SLC25A13: variants seen among roughly 807,000 people sequenced by gnomAD.
The protein encoded by SLC25A13 is electrogenic aspartate/glutamate antiporter SLC25A13, mitochondrial.
A neutral mutation model predicts 85.5 loss-of-function variants in SLC25A13; 70 were observed. The ratio of observed to expected loss-of-function variants is 0.82; its 90% CI spans 0.68 to 1.00. The LOEUF is 1.00. SLC25A13 is among the 50% of genes least tolerant of loss of function. The pLI is 0.00. For missense variants in SLC25A13, 765 were observed against 819.8 expected (o/e 0.93, Z 0.82); for synonymous variants, 259 against 288.7 (o/e 0.90, Z 1.04).
chr7:96,289,144 C>G (rs1056158583), intron 2 of SLC25A13, among the ~76,000 whole-genome samples: 1 of 152,212 alleles, frequency 6.6e-6, no homozygotes, highest in Non-Finnish European at 1.5e-5. Flanking sequence ...CCCAGGCAAA[C>G]AGGGTCTGGT....
At chr7:96,141,882 C>T (rs1351269045) in intron 14 of SLC25A13, among the ~76,000 whole-genome samples, 1 of 152,246 alleles carries the variant, frequency 6.6e-6, no homozygotes, top group Admixed American at 6.5e-5. Flanking sequence ...AACTTCAATG[C>T]TAGGAATTTA....
rs192981616 is a variant in SLC25A13 at position 96,281,664 on chromosome 7, T to C, written c.70-4326A>G. ...GGCCTACTCACTTTCTGAGTATTCA[T>C]GGCTGTACATTTGTGATGTATGCAT... is the stretch of plus-strand genomic sequence containing the variant. On this transcript the variant is annotated intron_variant, in intron 2 of 17. Coordinates refer to ENST00000265631, the MANE Select transcript of SLC25A13 (RefSeq NM_014251.3). Among the ~76,000 whole-genome samples the C allele has an allele frequency of 7.2e-4, 110 of 152,342 alleles. 1 individual carries two copies. Among genetic ancestry groups the C allele is most frequent in the African/African-American group, 2.5e-3 (105 of 41,582 alleles).
rs1423805662 is a variant in SLC25A13 at position 96,121,658 on chromosome 7, C to G, written c.1838G>C (p.Gly613Ala). ...LQRWFYIDFG[G>A]VKPMGSEPVP... is the part of the protein sequence containing the mutation. ...GCAGATTTAGCATGATACTTACACT[C>G]CTCCAAAATCAATGTAGAACCATCG... Residue 613 changes from glycine (G) to alanine (A), a missense_variant, in exon 17 of 18, where the codon GGA (glycine) becomes GCA (alanine). Coordinates refer to ENST00000265631, the MANE Select transcript of SLC25A13 (RefSeq NM_014251.3). 1.2e-5 allele frequency: 20 copies of G among 1,613,970 alleles called. No homozygotes were observed. The Admixed American group carries it at 2.3e-4, about 19-fold the overall frequency.
At chr7:96,171,320 A>T in intron 12 of SLC25A13, 152 bp downstream of exon 12, 1 of 725,118 alleles carries the variant, frequency 1.4e-6, no homozygotes, top group East Asian at 2.7e-5. Flanking sequence ...TAAATGGAGA[A>T]TAATGAAAAA....
At chr7:96,126,950 T>A (rs192825520) in intron 15 of SLC25A13, among the ~76,000 whole-genome samples, 1 of 119,128 alleles carries the variant, frequency 8.4e-6, no homozygotes, top group East Asian at 3.4e-4. Context: ...AGTTTTCTCA[T>A]AATACACAAT....
intron 15 of SLC25A13, among the ~76,000 whole-genome samples, chr7:96,129,268 T>C (rs1791900575): frequency 6.6e-6 from 1 of 152,108 alleles, no homozygotes; most frequent in South Asian, 2.1e-4. Flanking sequence ...GCTGATTAAG[T>C]TTTGAGGGAA....
intron 15 of SLC25A13, among the ~76,000 whole-genome samples, chr7:96,128,162 A>G (rs1425674427): frequency 6.6e-6 from 1 of 152,220 alleles, no homozygotes; most frequent in African/African-American, 2.4e-5. Context: ...TTTATTTTAT[A>G]ACAAAATGCA....
chr7:96,310,011 T>C (rs1348539464), intron 1 of SLC25A13, among the ~76,000 whole-genome samples: 2 of 152,176 alleles, frequency 1.3e-5, no homozygotes, highest in African/African-American at 4.8e-5. Flanking sequence ...GACACCCATC[T>C]ACAAGCCAAG....
chr7:96,130,987 T>C (rs529375380), intron 15 of SLC25A13, among the ~76,000 whole-genome samples: 1 of 152,208 alleles, frequency 6.6e-6, no homozygotes, highest in Non-Finnish European at 1.5e-5. Flanking sequence ...ATGGAGACTC[T>C]AGTTACATAT....
chr7:96,278,827 T>C (rs1238195200), intron 2 of SLC25A13, among the ~76,000 whole-genome samples: 1 of 152,206 alleles, frequency 6.6e-6, no homozygotes, highest in Non-Finnish European at 1.5e-5. Context: ...AAGAATTATA[T>C]TTTGATTTTC....
At chr7:96,172,511 T>C (rs920518731) in intron 11 of SLC25A13, among the ~76,000 whole-genome samples, 13 of 151,644 alleles carry the variant, frequency 8.6e-5, no homozygotes, top group African/African-American at 7.3e-5. Flanking sequence ...TGAGCCGAGA[T>C]TGCACCACTG....
chr7:96,242,377 G>T (rs371922281), intron 3 of SLC25A13, among the ~76,000 whole-genome samples: 1 of 151,900 alleles, frequency 6.6e-6, no homozygotes, highest in African/African-American at 2.4e-5. Context: ...TCTCTTTCCC[G>T]CCCATATTCC....
intron 3 of SLC25A13, among the ~76,000 whole-genome samples, chr7:96,238,152 T>C (rs1399912524): frequency 2.0e-5 from 3 of 152,156 alleles, no homozygotes; most frequent in Admixed American, 6.5e-5. Context: ...GACTGGAGTC[T>C]TTTTTATAAA....
intron 14 of SLC25A13, among the ~76,000 whole-genome samples, chr7:96,141,152 A>T (rs1348983078): frequency 6.6e-6 from 1 of 151,264 alleles, no homozygotes; most frequent in Non-Finnish European, 1.5e-5. Flanking sequence ...CCTCCCAAGT[A>T]GCTGGGACTA....
intron 13 of SLC25A13, among the ~76,000 whole-genome samples, chr7:96,163,105 A>T (rs1218511433): frequency 6.6e-6 from 1 of 152,152 alleles, no homozygotes; most frequent in Non-Finnish European, 1.5e-5. Flanking sequence ...CTTTGCTATT[A>T]TTCCTATTAC....
Position 96,239,330 on chromosome 7 carries a change from C to T in SLC25A13, c.213-4413G>A, listed in dbSNP as rs557346688. Among the ~76,000 whole-genome samples, 35 of 149,422 alleles carry T rather than the reference C, an allele frequency of 2.3e-4. 1 individual carries two copies. The highest frequency in any genetic ancestry group is 7.3e-4 in the African/African-American group (30 of 40,850). Reference sequence around the variant, plus strand: ...AGGCCATGAGAATAATTATGTAGTACTATATTACTTTACAGCATGATACCT... The same window carrying T: ...AGGCCATGAGAATAATTATGTAGTATTATATTACTTTACAGCATGATACCT... On this transcript the variant is annotated intron_variant, in intron 3 of 17. Coordinates refer to ENST00000265631, the MANE Select transcript of SLC25A13 (RefSeq NM_014251.3).
At chr7:96,305,365 G>T (rs945247348) in intron 1 of SLC25A13, among the ~76,000 whole-genome samples, 2 of 152,126 alleles carry the variant, frequency 1.3e-5, no homozygotes, top group Non-Finnish European at 2.9e-5. Flanking sequence ...TTTTTAATTT[G>T]GCATTATGAT....
At chr7:96,306,702 A>G in intron 1 of SLC25A13, 1 of 851,268 alleles carries the variant, frequency 1.2e-6, no homozygotes. Flanking sequence ...CCAAACGGTG[A>G]GCTTAGTCCC....
rs763505667 is a variant in SLC25A13 at position 96,208,968 on chromosome 7, T to C, written c.338A>G (p.Lys113Arg). ...GKGEVTFEDVKQVFGQTTIHQ... is the reference protein window; with the variant it reads ...GKGEVTFEDVRQVFGQTTIHQ... ...AATTGTGGTCTGTCCAAAAACTTGC[T>C]TAACATCCTCTGAAAAGAGAAAAGA... The change falls in exon 5 of 18, where the codon AAG (lysine) becomes AGG (arginine). Residue 113 changes from lysine to arginine, a missense_variant. Lys to Arg is a conservative substitution (Grantham distance 26). Coordinates refer to ENST00000265631, the MANE Select transcript of SLC25A13 (RefSeq NM_014251.3). 6.2e-7 allele frequency: 1 copy of C among 1,614,096 alleles called. No individual in the cohort carries two copies. Among genetic ancestry groups the C allele is most frequent in the Non-Finnish European group, 8.5e-7 (1 of 1,179,990 alleles).
Sources: gnomAD v4.1 joint callset for allele counts (sites outside exome capture counted in the v4.1 genomes callset) on GRCh38, gnomAD v4.1.1 for gene constraint, MANE v1.5 for transcripts, NCBI Gene and HGNC (gene_info 2026-07-23, HGNC 2026-07-21) for gene names.